Variants in BIRC6 observed in about 807,000 individuals in gnomAD.
BIRC6 encodes the protein dual E2 ubiquitin-conjugating enzyme/E3 ubiquitin-protein ligase BIRC6.
A neutral mutation model predicts 503.3 loss-of-function variants in BIRC6; 98 were observed. The observed-to-expected ratio is 0.19, with a 90% confidence interval of 0.17 to 0.23. BIRC6 has a LOEUF of 0.23. Ranked by LOEUF, BIRC6 falls within the 10% of genes least tolerant of loss-of-function variation. The probability of loss-of-function intolerance (pLI) is 1.00; values close to 1 mark genes in which losing one functional copy is unlikely to be tolerated. For synonymous variants in BIRC6, 2,240 were observed against 2,078.7 expected, an observed-to-expected ratio of 1.08 and a Z score of -2.11; for missense variants, 5,360 against 5,806.0, an observed-to-expected ratio of 0.92 and a Z score of 2.50.
At chr2:32,446,898 G>T (rs924505306) in intron 21 of BIRC6, among the ~76,000 whole-genome samples, 1 of 125,384 alleles carries the variant, frequency 8.0e-6, no homozygotes, top group African/African-American at 3.1e-5. Context: ...AGGACCCTGC[G>T]GCCTTCCGCA....
At chr2:32,557,997 A>G (rs2058901685) in intron 65 of BIRC6, 1 of 152,186 alleles carries the variant, frequency 6.6e-6, no homozygotes, top group Non-Finnish European at 1.5e-5. Context: ...GAAAAGAAAT[A>G]CTAGCTAGTA....
At chr2:32,518,675 A>G (rs1477862645) in intron 56 of BIRC6, 142 bp from the exon 57 acceptor site, 2 of 1,079,236 alleles carry the variant, frequency 1.9e-6, no homozygotes, top group East Asian at 5.2e-5. Flanking sequence ...CCAACAAATC[A>G]TGGCAACTAT....
intron 35 of BIRC6, 72 bp from the exon 36 acceptor site, chr2:32,478,563 T>A: frequency 7.4e-7 from 1 of 1,357,658 alleles, no homozygotes; most frequent in Admixed American, 2.3e-5. Context: ...AAAGTATTGG[T>A]AGACTTCTGT....
chr2:32,568,792 C>T (rs990534617), intron 65 of BIRC6, among the ~76,000 whole-genome samples: 5 of 150,192 alleles, frequency 3.3e-5, no homozygotes, highest in Non-Finnish European at 7.4e-5. Flanking sequence ...TGCAGTGAGC[C>T]GAGATTATGT....
At chr2:32,545,366 G>C (rs1391444339) in intron 62 of BIRC6, among the ~76,000 whole-genome samples, 2 of 152,092 alleles carry the variant, frequency 1.3e-5, no homozygotes, top group South Asian at 4.1e-4. Flanking sequence ...TTAAATTCTA[G>C]TTCGTAATAA....
At chr2:32,360,278 C>T (rs1198935505) in intron 1 of BIRC6, among the ~76,000 whole-genome samples, 2 of 152,112 alleles carry the variant, frequency 1.3e-5, no homozygotes, top group South Asian at 2.1e-4. Flanking sequence ...TATTGAGTGG[C>T]AAAGACAGTG....
At chr2:32,364,390 C>G (rs1259102406) in intron 1 of BIRC6, among the ~76,000 whole-genome samples, 1 of 152,126 alleles carries the variant, frequency 6.6e-6, no homozygotes, top group Non-Finnish European at 1.5e-5. Flanking sequence ...CAGGTGTGCG[C>G]CACCATGCCT....
rs777209099 is a variant in BIRC6, at chr2:32,439,587, T to C, written c.3711T>C (p.Asn1237=). The part of the protein sequence containing the change: ...VNERGTEEIC[N]GGMRPVVRLP... ...AAAGAGGAACAGAAGAGATTTGTAA[T>C]GGTGGTATGCGTCCTGTAGTAAGGC... The change falls in exon 16 of 74, where the codon AAT becomes AAC. Residue 1237 remains asparagine, a synonymous_variant. Transcript: ENST00000421745. 8 of 1,613,838 alleles carry C rather than the reference T, an allele frequency of 5.0e-6. No homozygotes were observed. Among genetic ancestry groups the C allele is most frequent in the South Asian group, 1.1e-5 (1 of 91,072 alleles).
At chr2:32,544,491 C>CT (rs56694490) in intron 62 of BIRC6, among the ~76,000 whole-genome samples, 5,749 of 134,868 alleles carry the variant, frequency 0.043, 261 homozygotes, top group Admixed American at 0.16. Context: ...CTTTCTTCTT[C>CT]TTTTTTTTTT....
chr2:32,615,591 A>G (rs1269467108), intron 73 of BIRC6, among the ~76,000 whole-genome samples: 2 of 152,064 alleles, frequency 1.3e-5, no homozygotes, highest in East Asian at 3.9e-4. Context: ...ATGTTGTTTA[A>G]TTTTCAAAGT....
At chr2:32,380,064 A>G in intron 2 of BIRC6, 89 bp from the exon 3 acceptor site, 1 of 940,264 alleles carries the variant, frequency 1.1e-6, no homozygotes, top group South Asian at 2.0e-5. Context: ...ATTGCATATT[A>G]AAATATCTGA....
At chr2:32,437,268 A>T (rs1269946670) in intron 15 of BIRC6, among the ~76,000 whole-genome samples, 1 of 152,190 alleles carries the variant, frequency 6.6e-6, no homozygotes, top group Non-Finnish European at 1.5e-5. Context: ...GCAGATTATA[A>T]TGAATGTTTT....
At chr2:32,429,711 C>T (rs1372647420) in intron 11 of BIRC6, among the ~76,000 whole-genome samples, 1 of 152,084 alleles carries the variant, frequency 6.6e-6, no homozygotes, top group Non-Finnish European at 1.5e-5. Flanking sequence ...TTTCTCCCAT[C>T]CTTGACCCAC....
At chr2:32,404,926 T>A (rs760337495) in intron 8 of BIRC6, among the ~76,000 whole-genome samples, 2 of 152,150 alleles carry the variant, frequency 1.3e-5, no homozygotes, top group Non-Finnish European at 2.9e-5. Flanking sequence ...CCTCCCAAAG[T>A]GCTGGGATTA....
intron 45 of BIRC6, among the ~76,000 whole-genome samples, chr2:32,494,283 A>G (rs2052141626): frequency 6.6e-6 from 1 of 151,180 alleles, no homozygotes; most frequent in Non-Finnish European, 1.5e-5. Flanking sequence ...GCTGGAGTGC[A>G]CTGGTGCAGT....
chr2:32,373,192 C>A (rs556991960), intron 1 of BIRC6, among the ~76,000 whole-genome samples: 7 of 151,862 alleles, frequency 4.6e-5, no homozygotes, highest in Non-Finnish European at 7.4e-5. Flanking sequence ...CAATTCCTAT[C>A]AAAATCCCAG....
At chr2:32,484,724 T>C (rs968669673) in intron 39 of BIRC6, among the ~76,000 whole-genome samples, 1 of 152,156 alleles carries the variant, frequency 6.6e-6, no homozygotes, top group Non-Finnish European at 1.5e-5. Flanking sequence ...TTTGTTGAGA[T>C]AGGGTCTCAC....
rs1443013787 is a variant in BIRC6 at position 32,468,527 on chromosome 2, A to G, written c.5871A>G (p.Leu1957=). 3.7e-6 allele frequency: 6 copies of G among 1,613,890 alleles called. No homozygotes were observed. The highest frequency in any genetic ancestry group is 5.1e-6 in the Non-Finnish European group (6 of 1,179,882). ...LNSANNAQYF[L]RKPDKAVEED... ...GTGCTAACAATGCACAGTACTTTTT[A>G]CGAAAACCAGATAAGGCAGTTGAGG... The change falls in exon 29 of 74, where the codon TTA becomes TTG. Residue 1957 remains leucine (L), a synonymous_variant. Coordinates refer to ENST00000421745, the MANE Select transcript of BIRC6 (RefSeq NM_016252.4).
Position 32,617,777 on chromosome 2 carries a change from G to A in BIRC6, c.14447G>A (p.Gly4816Asp), listed in dbSNP as rs367781963. The A allele has an allele frequency of 4.0e-5, 64 of 1,613,862 alleles. No homozygotes were observed. The highest frequency in any genetic ancestry group is 3.3e-4 in the Middle Eastern group (2 of 6,084). Residue 4816 changes from glycine (G) to aspartate (D), a missense_variant, in exon 74 of 74, where the codon GGC becomes GAC. Around this residue, in one of 16 missense-constraint regions of BIRC6, gnomAD observed 140 missense variants for 130.2 expected, o/e 1.07. Coordinates refer to ENST00000421745, the MANE Select transcript of BIRC6 (RefSeq NM_016252.4). The stretch of plus-strand genomic sequence containing the variant: ...TTGCTGAAACTTCCCTGCCCTGAAG[G>A]CTTGGATCCTGACACTGACGATGCC... ...EELLKLPCPE[G>D]LDPDTDDAPE...
Sources: allele counts gnomAD v4.1 joint callset (sites outside exome capture counted in the v4.1 genomes callset), GRCh38; gene constraint gnomAD v4.1.1; regional missense constraint gnomAD v4.1.1; transcripts MANE v1.5; gene names NCBI Gene and HGNC (gene_info 2026-07-23, HGNC 2026-07-21).